The following NOS3 variants were observed in gnomAD, a reference collection of about 807,000 sequenced individuals.
The protein encoded by NOS3 is NOS type III.
A neutral mutation model predicts 144.9 loss-of-function variants in NOS3; 98 were observed. That is an observed-to-expected ratio of 0.68 (90% confidence interval 0.57 to 0.80). The LOEUF (loss-of-function observed/expected upper bound fraction) is 0.80. NOS3 is among the 30% of genes least tolerant of loss of function. The pLI, the probability that NOS3 is intolerant of heterozygous loss-of-function variation, is 0.00. For missense variants in NOS3, 1,465 were observed against 1,656.4 expected, an observed-to-expected ratio of 0.88 and a Z score of 2.01; for synonymous variants, 714 against 702.4, an observed-to-expected ratio of 1.02 and a Z score of -0.26.
intron 1 of NOS3, among the ~76,000 whole-genome samples, 181 bp downstream of exon 1, chr7:150,991,481 T>C (rs1802254597): frequency 1.3e-5 from 2 of 152,178 alleles, no homozygotes; most frequent in Non-Finnish European, 2.9e-5. Flanking sequence ...GAAAGCCCAT[T>C]TGTCTAGAAC....
intron 17 of NOS3, 62 bp downstream of exon 17, chr7:151,007,338 T>C: frequency 6.7e-7 from 1 of 1,485,738 alleles, no homozygotes; most frequent in African/African-American, 1.4e-5. Flanking sequence ...CCTGCCTCAC[T>C]CTGCCCTGAT....
At chr7:151,005,156 G>C (rs971645171) in intron 14 of NOS3, among the ~76,000 whole-genome samples, 1 of 152,156 alleles carries the variant, frequency 6.6e-6, no homozygotes, top group Non-Finnish European at 1.5e-5. Context: ...AATGTTTCTC[G>C]ATGGGATGCT....
intron 17 of NOS3, among the ~76,000 whole-genome samples, chr7:151,008,510 C>T (rs1795240097): frequency 6.6e-6 from 1 of 152,172 alleles, no homozygotes; most frequent in South Asian, 2.1e-4. Context: ...AAGCTAAGGG[C>T]TTTACATAAA....
rs764734300 is a variant in NOS3, at chr7:151,009,530, C to G, written c.2457C>G (p.Asp819Glu). 2.4e-5 allele frequency: 37 copies of G among 1,545,182 alleles called. 1 individual carries two copies. The South Asian group carries it at 4.1e-4, about 17-fold the overall frequency. The change falls in exon 20 of 27, where the codon GAC (aspartate) becomes GAG (glutamate). Residue 819 changes from aspartate to glutamate, a missense_variant. Coordinates refer to ENST00000297494, the MANE Select transcript of NOS3 (RefSeq NM_000603.5). ...AGGCGCTGCTGAGCCGCGTGGAGGACCCGCCGGCGCCCACTGAGCCCGTGG... is the reference window on the plus strand; with the variant it reads ...AGGCGCTGCTGAGCCGCGTGGAGGAGCCGCCGGCGCCCACTGAGCCCGTGG... ...LVEALLSRVE[D>E]PPAPTEPVAV...
Position 151,002,244 on chromosome 7 carries a change from G to A in NOS3, c.1692G>A (p.Glu564=), listed in dbSNP as rs1795122064. The change falls in exon 14 of 27, where the codon GAG becomes GAA. Residue 564 remains glutamate, a synonymous_variant. Coordinates refer to ENST00000297494, the MANE Select transcript of NOS3 (RefSeq NM_000603.5). The surrounding 1 kb of genome is among the most constrained non-coding windows in gnomAD (Gnocchi z 4.1). ...DEYDVVSLEH[E]TLVLVVTSTF... is the part of the protein sequence containing the mutation. ...ATGACGTGGTGTCCCTCGAACACGA[G>A]ACGCTGGTGCTGGTGGTAACCAGCA... 1.2e-6 allele frequency: 2 copies of A among 1,602,050 alleles called. No homozygotes were observed. Among genetic ancestry groups the A allele is most frequent in the South Asian group, 1.1e-5 (1 of 88,650 alleles).
Position 151,000,615 on chromosome 7 carries a change from C to T in NOS3, c.1233+16C>T. 1 of 1,577,100 alleles carries T rather than the reference C, an allele frequency of 6.3e-7. No individual in the cohort carries two copies. Among genetic ancestry groups the T allele is most frequent in the Non-Finnish European group, 8.7e-7 (1 of 1,147,264 alleles). On this transcript the variant is annotated intron_variant, in intron 10 of 26. Transcript: ENST00000297494. ...CAGTTACCAGGTGCAGAGGCCCAGACTGGCCAGGAAGGCAAAGGGTTTGCA... is the reference window on the plus strand; with the variant it reads ...CAGTTACCAGGTGCAGAGGCCCAGATTGGCCAGGAAGGCAAAGGGTTTGCA...
intron 24 of NOS3, chr7:151,012,881 G>A: frequency 8.5e-6 from 3 of 352,992 alleles, no homozygotes; most frequent in Non-Finnish European, 1.6e-5. Flanking sequence ...AGAGGGCTGT[G>A]ACTGGGAGGA....
intron 19 of NOS3, 40 bp from the exon 20 acceptor site, chr7:151,009,358 C>T (rs1795256941): frequency 9.9e-7 from 1 of 1,005,926 alleles, no homozygotes; most frequent in Non-Finnish European, 1.5e-6. Context: ...GCCCCCACCC[C>T]TCTCTGACTC....
At chr7:151,001,667 C>G (rs750930689) in intron 12 of NOS3, 50 bp downstream of exon 12, 4 of 1,582,470 alleles carry the variant, frequency 2.5e-6, no homozygotes, top group Non-Finnish European at 3.5e-6. Flanking sequence ...GGGGGCCCCA[C>G]TCTCCCCCAC....
At chr7:151,012,252 G>T in intron 23 of NOS3, 99 bp from the exon 24 acceptor site, 271 of 510,166 alleles carry the variant, frequency 5.3e-4, no homozygotes, top group Middle Eastern at 7.9e-4. Flanking sequence ...TTTTTGAGAT[G>T]GGAAGAACTT....
At chr7:151,010,366 A>G in intron 21 of NOS3, 79 bp downstream of exon 21, 1 of 1,363,964 alleles carries the variant, frequency 7.3e-7, no homozygotes, top group Non-Finnish European at 1.0e-6. Context: ...GGAAACCCCC[A>G]TGCAAAGTCC....
Position 150,995,253 on chromosome 7 carries a change from G to C in NOS3, c.209G>C (p.Arg70Pro). 1 of 1,611,412 alleles carries C rather than the reference G, an allele frequency of 6.2e-7. No homozygotes were observed. The highest frequency in any genetic ancestry group is 8.5e-7 in the Non-Finnish European group (1 of 1,179,036). ...CCCCCAGAGGGGCCCAAGTTCCCTC[G>C]TGTGAAGAACTGGGAGGTGGGGAGC... ...TQPPEGPKFP[R>P]VKNWEVGSIT... Residue 70 changes from arginine to proline, a missense_variant, in exon 3 of 27, where the codon CGT (arginine) becomes CCT (proline). Physicochemically the swap from Arg to Pro is moderately radical, Grantham distance 103. This residue lies in a region of NOS3 where 374 missense variants were observed against 377.0 expected (regional missense o/e 0.99). Transcript: ENST00000297494.
At chr7:150,992,650 C>A (rs1055722189) in intron 1 of NOS3, among the ~76,000 whole-genome samples, 1 of 151,460 alleles carries the variant, frequency 6.6e-6, no homozygotes, top group African/African-American at 2.4e-5. Context: ...TTATCCTCCA[C>A]TGCTTTTCAG....
intron 1 of NOS3, among the ~76,000 whole-genome samples, chr7:150,991,996 C>CA (rs796976419): frequency 0.029 from 3,074 of 106,596 alleles, 65 homozygotes; most frequent in African/African-American, 0.062. Context: ...GACTCTGTCT[C>CA]AAAAAAAAAA....
In NOS3 at chr7:151,013,327, GGGTGTTTGGCCGAGTC is replaced by G; in HGVS notation, c.3204_3219del (p.Val1069SerfsTer19). 1.9e-6 allele frequency: 3 copies of G among 1,614,006 alleles called. No homozygotes were observed. In the South Asian group the frequency reaches 3.3e-5, roughly 18 times the overall value. On this transcript the variant is annotated frameshift_variant, in exon 25 of 27. Coordinates refer to ENST00000297494, the MANE Select transcript of NOS3 (RefSeq NM_000603.5). LOFTEE classifies it high-confidence loss of function. ...GAGGTGCAGAACGCCCAGCAGCGCG[GGGTGTTTGGCCGAGTC>G]CTCACCGCCTTCTCCCGGGAACCTG...
intron 17 of NOS3, among the ~76,000 whole-genome samples, chr7:151,007,795 TGGCTTTTTAAGCCTGG>T (rs1342553911): frequency 2.6e-5 from 4 of 152,220 alleles, no homozygotes; most frequent in Non-Finnish European, 5.9e-5. Flanking sequence ...CTGGGGGCTG[TGGCTTTTTAAGCCTGG>T]GCTTCCTCAG....
chr7:151,007,394 C>T, intron 17 of NOS3, 118 bp downstream of exon 17: 1 of 1,153,036 alleles, frequency 8.7e-7, no homozygotes, highest in East Asian at 2.6e-5. Context: ...AAAATCCACC[C>T]TCATCTCTCC....
rs918635683 is a variant in NOS3 at position 150,996,426 on chromosome 7, G to A, written c.293G>A (p.Arg98His). The change falls in exon 4 of 27, where the codon CGC (arginine) becomes CAC (histidine). Residue 98 changes from arginine (R) to histidine (H), a missense_variant. Around this residue, in one of 5 missense-constraint regions of NOS3, gnomAD observed 374 missense variants for 377.0 expected, o/e 0.99. Transcript: ENST00000297494. ...CAGGATGGGCCCTGCACCCCAAGACGCTGCCTGGGCTCCCTGGTATTTCCA... is the reference window on the plus strand; with the variant it reads ...CAGGATGGGCCCTGCACCCCAAGACACTGCCTGGGCTCCCTGGTATTTCCA... ...AQQDGPCTPR[R>H]CLGSLVFPRK... The A allele has an allele frequency of 1.3e-5, 20 of 1,482,444 alleles. No individual in the cohort carries two copies. The Admixed American group carries it at 1.7e-4, about 13-fold the overall frequency. 91.8% of individuals were successfully genotyped at this position (1,482,444 alleles called of 1,614,324 possible).
Position 151,003,473 on chromosome 7 carries a change from C to G in NOS3, c.1752+1169C>G, listed in dbSNP as rs1795157948. Reference sequence around the variant, plus strand: ...AATCTCGTGAAACCCTTTTTGCTGCCTTAGTGTCCGTTTCAGCCCTCATTC... The same window carrying G: ...AATCTCGTGAAACCCTTTTTGCTGCGTTAGTGTCCGTTTCAGCCCTCATTC... On this transcript the variant is annotated intron_variant, in intron 14 of 26. Coordinates refer to ENST00000297494, the MANE Select transcript of NOS3 (RefSeq NM_000603.5). The surrounding 1 kb of genome is among the most constrained non-coding windows in gnomAD (Gnocchi z 4.1). 1.6e-6 allele frequency: 2 copies of G among 1,226,082 alleles called. No homozygotes were observed. The highest frequency in any genetic ancestry group is 2.1e-6 in the Non-Finnish European group (2 of 954,194). 76.0% of individuals were successfully genotyped at this position (1,226,082 alleles called of 1,614,324 possible).
Sources: allele counts gnomAD v4.1 joint callset (sites outside exome capture counted in the v4.1 genomes callset), GRCh38; gene constraint gnomAD v4.1.1; regional missense constraint gnomAD v4.1.1; non-coding constraint Gnocchi (gnomAD v3.1); transcripts MANE v1.5; gene names NCBI Gene and HGNC (gene_info 2026-07-23, HGNC 2026-07-21).